RPS6KC1: variants seen among roughly 807,000 people sequenced by gnomAD.
RPS6KC1 encodes the protein inactive ribosomal protein S6 kinase delta-1.
A neutral mutation model predicts 103.8 loss-of-function variants in RPS6KC1; 54 were observed. That is an observed-to-expected ratio of 0.52 (90% CI 0.42 to 0.65). RPS6KC1 has a LOEUF of 0.65. Ranked by LOEUF, RPS6KC1 falls within the 30% of genes least tolerant of loss-of-function variation. The pLI, the probability that RPS6KC1 is intolerant of heterozygous loss-of-function variation, is 0.00. For missense variants in RPS6KC1, 1,151 were observed against 1,253.8 expected (o/e 0.92, Z 1.24); for synonymous variants, 439 against 438.7 (o/e 1.00, Z -0.01).
chr1:213,114,826 T>A (rs2083408867), intron 4 of RPS6KC1, among the ~76,000 whole-genome samples: 1 of 152,226 alleles, frequency 6.6e-6, no homozygotes, highest in African/African-American at 2.4e-5. Context: ...GGTTTTTGTG[T>A]TTGGTTCTGT....
chr1:213,496,157 A>T, the RPS6KC1 span, among the ~76,000 whole-genome samples: 1 of 152,204 alleles, frequency 6.6e-6, no homozygotes, highest in African/African-American at 2.4e-5. Flanking sequence ...TATAACAAAT[A>T]TTAGAAAATA....
chr1:213,656,120 ATGT>A, the RPS6KC1 span, among the ~76,000 whole-genome samples: 1 of 152,198 alleles, frequency 6.6e-6, no homozygotes, highest in African/African-American at 2.4e-5. Context: ...TTGGGTACCA[ATGT>A]TGTCCCCATT....
chr1:213,577,990 C>A, the RPS6KC1 span, among the ~76,000 whole-genome samples: 5 of 152,208 alleles, frequency 3.3e-5, no homozygotes, highest in African/African-American at 4.8e-5. Context: ...ATGTCAGAGG[C>A]CTTCACAGCA....
chr1:213,276,539 G>A (rs536621254), downstream of RPS6KC1, among the ~76,000 whole-genome samples: 1 of 152,296 alleles, frequency 6.6e-6, no homozygotes, highest in South Asian at 2.1e-4. Flanking sequence ...GAGGGTAGGT[G>A]AGTTCTAAGC....
At chr1:213,628,582 T>A in the RPS6KC1 span, among the ~76,000 whole-genome samples, 1 of 152,204 alleles carries the variant, frequency 6.6e-6, no homozygotes, top group East Asian at 1.9e-4. Flanking sequence ...CCCTATTAAC[T>A]TGTCATTTAA....
the RPS6KC1 span, among the ~76,000 whole-genome samples, chr1:213,431,300 A>T: frequency 6.6e-6 from 1 of 152,092 alleles, no homozygotes; most frequent in Admixed American, 6.6e-5. Flanking sequence ...TTTTAAAGTA[A>T]ACTTTTAGGT....
At chr1:213,627,997 G>A in the RPS6KC1 span, among the ~76,000 whole-genome samples, 1 of 152,212 alleles carries the variant, frequency 6.6e-6, no homozygotes, top group Admixed American at 6.6e-5. Flanking sequence ...CAGAAGGAAT[G>A]GTACCAGCTC....
the RPS6KC1 span, among the ~76,000 whole-genome samples, chr1:213,783,815 CAAAA>C: frequency 3.0e-4 from 20 of 65,994 alleles, no homozygotes; most frequent in East Asian, 8.1e-4. Flanking sequence ...AAGATGTTGC[CAAAA>C]AAAAAAAAAA....
the RPS6KC1 span, among the ~76,000 whole-genome samples, chr1:213,390,599 T>C: frequency 6.6e-6 from 1 of 152,220 alleles, no homozygotes; most frequent in Non-Finnish European, 1.5e-5. Flanking sequence ...GGATCACTTC[T>C]GAGTTTAGTG....
the RPS6KC1 span, among the ~76,000 whole-genome samples, chr1:213,536,801 G>A: frequency 5.3e-5 from 8 of 152,176 alleles, no homozygotes; most frequent in African/African-American, 1.9e-4. Context: ...CAATAGGGAG[G>A]CACCAGGTTC....
At chr1:213,552,382 G>A in the RPS6KC1 span, among the ~76,000 whole-genome samples, 4 of 152,286 alleles carry the variant, frequency 2.6e-5, no homozygotes, top group South Asian at 4.1e-4. Context: ...CCAGCATTTG[G>A]TCTCGTCAGT....
the RPS6KC1 span, among the ~76,000 whole-genome samples, chr1:213,494,847 T>C: frequency 3.9e-5 from 6 of 151,902 alleles, no homozygotes; most frequent in South Asian, 1.2e-3. Flanking sequence ...GTAAAACTAA[T>C]GATAAGAGAG....
chr1:213,076,837 T>C (rs1482873996), intron 2 of RPS6KC1, among the ~76,000 whole-genome samples: 2 of 152,174 alleles, frequency 1.3e-5, no homozygotes, highest in Non-Finnish European at 2.9e-5. Context: ...AATTGCTTGC[T>C]GCATAGCTAC....
At chr1:213,160,425 A>G (rs114281377) in intron 6 of RPS6KC1, among the ~76,000 whole-genome samples, 1,672 of 152,290 alleles carry the variant, frequency 0.011, 32 homozygotes, top group African/African-American at 0.038. Context: ...TTTTAGTCCA[A>G]TCATGCATCT....
chr1:213,252,761 T>C (rs1005440673), intron 12 of RPS6KC1, among the ~76,000 whole-genome samples: 3 of 152,198 alleles, frequency 2.0e-5, no homozygotes, highest in Admixed American at 2.0e-4. Context: ...TTTCACCTTC[T>C]TCCCTAGTGT....
the RPS6KC1 span, among the ~76,000 whole-genome samples, chr1:213,485,822 G>T: frequency 6.6e-6 from 1 of 152,162 alleles, no homozygotes; most frequent in Non-Finnish European, 1.5e-5. Context: ...CTTGAAAAAT[G>T]AGTAGGATTT....
chr1:213,522,231 A>T, the RPS6KC1 span, among the ~76,000 whole-genome samples: 1 of 152,228 alleles, frequency 6.6e-6, no homozygotes, highest in Non-Finnish European at 1.5e-5. Context: ...ATTGCCAACA[A>T]GCAATAATAT....
At chr1:213,809,331 A>G in the RPS6KC1 span, among the ~76,000 whole-genome samples, 1 of 152,164 alleles carries the variant, frequency 6.6e-6, no homozygotes, top group African/African-American at 2.4e-5. Context: ...CCTCAAAATT[A>G]CTATAGTAAC....
intron 3 of RPS6KC1, among the ~76,000 whole-genome samples, chr1:213,103,322 G>A (rs1454680072): frequency 1.3e-5 from 2 of 152,108 alleles, no homozygotes; most frequent in African/African-American, 2.4e-5. Flanking sequence ...CTGTATTTTA[G>A]TCAGTATGAT....
Sources: allele counts gnomAD v4.1 joint callset (sites outside exome capture counted in the v4.1 genomes callset), GRCh38; gene constraint gnomAD v4.1.1; transcripts MANE v1.5; gene names NCBI Gene and HGNC (gene_info 2026-07-23, HGNC 2026-07-21).